The following RSRC1 variants were observed in gnomAD, a reference collection of about 807,000 sequenced individuals.
RSRC1 encodes serine/Arginine-related protein 53.
In RSRC1, 39 loss-of-function variants were observed where a neutral mutation model predicts 49.1. That is an observed-to-expected ratio of 0.79 (90% confidence interval 0.61 to 1.04). The LOEUF is 1.04. Among genes scored for constraint, RSRC1 ranks in the 50% least tolerant of loss-of-function variants. The pLI, the probability that RSRC1 is intolerant of heterozygous loss-of-function variation, is 0.00. For missense variants in RSRC1, 388 were observed against 402.4 expected, an observed-to-expected ratio of 0.96 and a Z score of 0.31; for synonymous variants, 143 against 130.8, an observed-to-expected ratio of 1.09 and a Z score of -0.63.
At chr3:158,286,400 T>C (rs56140832) in intron 4 of RSRC1, among the ~76,000 whole-genome samples, 2,566 of 152,330 alleles carry the variant, frequency 0.017, 59 homozygotes, top group South Asian at 0.048. Flanking sequence ...GATAAAATCA[T>C]AAGTGTTAAA....
intron 6 of RSRC1, among the ~76,000 whole-genome samples, chr3:158,441,543 A>G (rs1736380881): frequency 6.6e-6 from 1 of 152,072 alleles, no homozygotes; most frequent in Admixed American, 6.6e-5. Context: ...AAGATGTGTT[A>G]TTTAACAGAT....
At chr3:158,450,577 G>A (rs1351621428) in intron 6 of RSRC1, among the ~76,000 whole-genome samples, 1 of 151,810 alleles carries the variant, frequency 6.6e-6, no homozygotes, top group Non-Finnish European at 1.5e-5. Flanking sequence ...TCACTTCTGT[G>A]CTGTGCATGT....
chr3:158,455,830 A>G (rs527559402), intron 6 of RSRC1, among the ~76,000 whole-genome samples: 2 of 151,956 alleles, frequency 1.3e-5, no homozygotes, highest in African/African-American at 4.8e-5. Flanking sequence ...AAATACAAAA[A>G]TTAGCTGGGC....
intron 3 of RSRC1, among the ~76,000 whole-genome samples, chr3:158,162,695 A>G (rs1259050876): frequency 6.6e-6 from 1 of 152,214 alleles, no homozygotes; most frequent in Non-Finnish European, 1.5e-5. Flanking sequence ...GACCAAAAAG[A>G]GAACATATTC....
At chr3:158,115,847 A>G (rs1472465045) in intron 1 of RSRC1, among the ~76,000 whole-genome samples, 2 of 152,156 alleles carry the variant, frequency 1.3e-5, no homozygotes, top group African/African-American at 2.4e-5. Flanking sequence ...TGTCTTTCGT[A>G]TTACACCAAA....
chr3:158,524,373 T>C (rs1711879154), intron 7 of RSRC1, among the ~76,000 whole-genome samples: 1 of 152,004 alleles, frequency 6.6e-6, no homozygotes, highest in Admixed American at 6.6e-5. Flanking sequence ...TATCATCTCA[T>C]CCCTTCTTAA....
chr3:158,165,590 G>A (rs1206565568), intron 3 of RSRC1, among the ~76,000 whole-genome samples: 2 of 152,222 alleles, frequency 1.3e-5, no homozygotes, highest in African/African-American at 4.8e-5. Context: ...CAGCTTAAAT[G>A]CATTTTCTTG....
At chr3:158,387,111 A>G (rs138611916) in intron 6 of RSRC1, among the ~76,000 whole-genome samples, 7 of 152,090 alleles carry the variant, frequency 4.6e-5, no homozygotes, top group Non-Finnish European at 1.0e-4. Context: ...TTTTCCAGAT[A>G]TGACCTCTGA....
chr3:158,393,268 A>T lies in RSRC1; in HGVS notation c.583+38360A>T, dbSNP rs192580972. ...TCACATGTAGAAGAATGAGAAAAAC[A>T]AGAGCGAATCAATCCGAAAGCTAGT... On this transcript the variant is annotated intron_variant, in intron 6 of 9. Coordinates refer to ENST00000611884, the MANE Select transcript of RSRC1 (RefSeq NM_001271838.2). 9.2e-5 allele frequency among the ~76,000 whole-genome samples: 14 copies of T among 152,188 alleles called. No homozygotes were observed. The East Asian group carries it at 2.1e-3, about 23-fold the overall frequency.
Position 158,239,888 on chromosome 3 carries a change from T to C in RSRC1, c.494+36643T>C, listed in dbSNP as rs183366801. 9.8e-5 allele frequency among the ~76,000 whole-genome samples: 15 copies of C among 152,308 alleles called. No individual in the cohort carries two copies. The East Asian group carries it at 2.7e-3, about 27-fold the overall frequency. ...AGAATAATAGAAATTTTTAGATGAA[T>C]AGAAGTTTTACCATTTGAATGTTTA... On this transcript the variant is annotated intron_variant, in intron 4 of 9. Coordinates refer to ENST00000611884, the MANE Select transcript of RSRC1 (RefSeq NM_001271838.2).
chr3:158,237,159 T>G (rs1723291255), intron 4 of RSRC1, among the ~76,000 whole-genome samples: 1 of 152,202 alleles, frequency 6.6e-6, no homozygotes. Context: ...ATATTTCAAT[T>G]ATTTTTACTT....
intron 5 of RSRC1, among the ~76,000 whole-genome samples, chr3:158,329,742 C>A (rs529752206): frequency 9.8e-5 from 15 of 152,296 alleles, no homozygotes; most frequent in Non-Finnish European, 1.8e-4. Context: ...GCTGAGAGAA[C>A]CACTACTCTC....
chr3:158,394,068 A>AGTAGATGCAGAAAAGGCTTTTG (rs1418738503), intron 6 of RSRC1, among the ~76,000 whole-genome samples: 5 of 152,164 alleles, frequency 3.3e-5, no homozygotes, highest in African/African-American at 1.2e-4. Context: ...TGATCATCTC[A>AGTAGATGCAGAAAAGGCTTTTG]GTAGATGCAG....
chr3:158,457,097 C>G (rs142405363), intron 6 of RSRC1, among the ~76,000 whole-genome samples: 76 of 152,254 alleles, frequency 5.0e-4, no homozygotes, highest in African/African-American at 1.8e-3. Flanking sequence ...CAACACTAAA[C>G]ATGTTCCTCA....
intron 4 of RSRC1, among the ~76,000 whole-genome samples, chr3:158,282,425 C>T (rs1178700301): frequency 3.3e-5 from 5 of 152,190 alleles, no homozygotes; most frequent in Non-Finnish European, 7.3e-5. Flanking sequence ...ACTAACTGCT[C>T]AGCACTGTAT....
At chr3:158,330,189 G>A (rs1403307161) in intron 5 of RSRC1, among the ~76,000 whole-genome samples, 1 of 152,196 alleles carries the variant, frequency 6.6e-6, no homozygotes, top group African/African-American at 2.4e-5. Flanking sequence ...TCCTGGATGA[G>A]GCGATGCCTC....
intron 3 of RSRC1, among the ~76,000 whole-genome samples, chr3:158,182,001 A>G (rs1024806593): frequency 6.6e-6 from 1 of 152,142 alleles, no homozygotes; most frequent in African/African-American, 2.4e-5. Context: ...TAATAAATAA[A>G]TTTTATAGTA....
At chr3:158,201,669 A>G (rs1197425807) in intron 3 of RSRC1, among the ~76,000 whole-genome samples, 1 of 152,026 alleles carries the variant, frequency 6.6e-6, no homozygotes, top group African/African-American at 2.4e-5. Context: ...AATTTCAGAG[A>G]TTGTGTTTTT....
intron 5 of RSRC1, among the ~76,000 whole-genome samples, chr3:158,323,100 G>T (rs141452056): frequency 6.6e-6 from 1 of 151,882 alleles, no homozygotes; most frequent in African/African-American, 2.4e-5. Context: ...ATTGGAACTT[G>T]TAGGTAATAT....
Sources: allele counts gnomAD v4.1 joint callset (sites outside exome capture counted in the v4.1 genomes callset), GRCh38; gene constraint gnomAD v4.1.1; transcripts MANE v1.5; gene names NCBI Gene and HGNC (gene_info 2026-07-23, HGNC 2026-07-21).